Variants in TOR2A observed in about 807,000 individuals in gnomAD.
TOR2A encodes the protein torsin family 2 member A, also known as prosalusin.
A neutral mutation model predicts 28.6 loss-of-function variants in TOR2A; 24 were observed. That is an observed-to-expected ratio of 0.84 (90% CI 0.61 to 1.18). The LOEUF (loss-of-function observed/expected upper bound fraction) is 1.18, where lower values mean the gene tolerates loss of function less well. Among genes scored for constraint, TOR2A ranks in the 50% most tolerant of loss-of-function variants. The pLI is 0.00. For synonymous variants in TOR2A, 203 were observed against 203.1 expected, an observed-to-expected ratio of 1.00 and a Z score of 0.00; for missense variants, 426 against 448.1, an observed-to-expected ratio of 0.95 and a Z score of 0.45.
chr9:127,731,954 T>C lies in TOR2A; in HGVS notation c.*80A>G. The C allele has an allele frequency of 6.5e-7, 1 of 1,535,028 alleles. No homozygotes were observed. The highest frequency in any genetic ancestry group is 1.3e-5 in the South Asian group (1 of 77,746). Reference sequence around the variant, plus strand: ...ACACTCCGTTCATCTCACTTGGTGCTCTGGGTTCCTGTGACAGAGGCCCCT... The same window carrying C: ...ACACTCCGTTCATCTCACTTGGTGCCCTGGGTTCCTGTGACAGAGGCCCCT... On this transcript the variant is annotated 3_prime_UTR_variant, in exon 5 of 5. Transcript: ENST00000373284.
rs1044952694 is a variant in TOR2A, at chr9:127,734,395, C to G, written c.321G>C (p.Ala107=). ...TGKSYVSSLL[A]HYLFQGGLRS... The stretch of plus-strand genomic sequence containing the variant: ...GGAGGCCGCCCTGGAAGAGGTAGTG[C>G]GCCAGCAGGGAGCTGACATAGGATT... The change falls in exon 2 of 5, where the codon GCG becomes GCC. Residue 107 remains alanine (A), a synonymous_variant. Transcript: ENST00000373284. 1.2e-6 allele frequency: 2 copies of G among 1,612,392 alleles called. No individual in the cohort carries two copies.
Position 127,733,530 on chromosome 9 carries a change from G to T in TOR2A, c.448C>A (p.Leu150Ile), listed in dbSNP as rs747829326. ...AAGAGGGAGCGGCCACAGGCAGTGA[G>T]GTTCCCTTGGACCCAGCTCTTCAGA... ...KDLKSWVQGN[L>I]TACGRSLFLF... Residue 150 changes from leucine (L) to isoleucine (I), a missense_variant, in exon 3 of 5, where the codon CTC becomes ATC. By Grantham distance (5) the Leu-to-Ile change is conservative. Coordinates refer to ENST00000373284, the MANE Select transcript of TOR2A (RefSeq NM_001085347.3). The T allele has an allele frequency of 3.1e-5, 50 of 1,613,466 alleles. 1 individual carries two copies. In the South Asian group the frequency reaches 5.4e-4, roughly 17 times the overall value.
At position 127,731,819 on chromosome 9, in the gene TOR2A, G is replaced by T; in HGVS notation, c.*215C>A. 1.0e-6 allele frequency: 1 copy of T among 991,890 alleles called. No individual in the cohort carries two copies. The highest frequency in any genetic ancestry group is 1.8e-5 in the South Asian group (1 of 56,286). 61.4% of individuals were successfully genotyped at this position (991,890 alleles called of 1,614,324 possible). A position where few individuals can be genotyped will look rare whatever the true frequency, so the allele number is the denominator to read the frequency against. ...CAGGGGGAGGTCAAGGCTCAGTGAG[G>T]TTCTGGGGTGACCAGGGGTTTCCCT... On this transcript the variant is annotated 3_prime_UTR_variant, in exon 5 of 5. Transcript: ENST00000373284.
At chr9:127,734,706 G>A in intron 1 of TOR2A, 142 bp from the exon 2 acceptor site, 1 of 1,064,008 alleles carries the variant, frequency 9.4e-7, no homozygotes, top group South Asian at 2.6e-5. Flanking sequence ...AAACCTTGGG[G>A]TCTGTGGCGG....
intron 1 of TOR2A, 88 bp from the exon 2 acceptor site, chr9:127,734,652 C>T: frequency 7.3e-7 from 1 of 1,366,552 alleles, no homozygotes; most frequent in Non-Finnish European, 9.5e-7. Flanking sequence ...TCTGGGACTC[C>T]TGTGTCCTTA....
Position 127,735,115 on chromosome 9 carries a change from C to T in TOR2A, c.151+5G>A. On this transcript the variant is annotated splice_donor_5th_base_variant and intron_variant, in intron 1 of 4. Transcript: ENST00000373284. The stretch of plus-strand genomic sequence containing the variant: ...CCCCTCGCTCCGGGCTCCCTGGCGC[C>T]TCACCCGGCAAGTCGGGCCGGAAGT... The T allele has an allele frequency of 2.7e-6, 4 of 1,470,706 alleles. No individual in the cohort carries two copies. Among genetic ancestry groups the T allele is most frequent in the Non-Finnish European group, 3.6e-6 (4 of 1,116,910 alleles). 91.1% of individuals were successfully genotyped at this position (1,470,706 alleles called of 1,614,324 possible). A position where few individuals can be genotyped will look rare whatever the true frequency, so the allele number is the denominator to read the frequency against.
chr9:127,733,558 C>T lies in TOR2A; in HGVS notation c.420G>A (p.Lys140=). 1.2e-6 allele frequency: 2 copies of T among 1,608,500 alleles called. No homozygotes were observed. The highest frequency in any genetic ancestry group is 1.7e-6 in the Non-Finnish European group (2 of 1,177,602). Residue 140 remains lysine (K), a splice_region_variant and synonymous_variant, in exon 3 of 5, where the codon AAG becomes AAA. Transcript: ENST00000373284. ...TCCCTTGGACCCAGCTCTTCAGATC[C>T]TTCTGTAGGGGAGAGACAGGAGTTC... The part of the protein sequence containing the change: ...PHPSHIERYK[K]DLKSWVQGNL...
chr9:127,733,455 G>A lies in TOR2A; in HGVS notation c.523C>T (p.Arg175Trp), dbSNP rs771968704. ...ACCCAGGAGGAGCCCAGGAAAGGCCGCAGGACTTCCATCAGGCCTGGGGGC... is the reference window on the plus strand; with the variant it reads ...ACCCAGGAGGAGCCCAGGAAAGGCCACAGGACTTCCATCAGGCCTGGGGGC... ...KMPPGLMEVL[R>W]PFLGSSWVVY... Residue 175 changes from arginine to tryptophan, a missense_variant, in exon 3 of 5, where the codon CGG becomes TGG. Arg to Trp is a moderately radical substitution (Grantham distance 101). Transcript: ENST00000373284. 7 of 1,613,850 alleles carry A rather than the reference G, an allele frequency of 4.3e-6. No individual in the cohort carries two copies. Among genetic ancestry groups the A allele is most frequent in the Middle Eastern group, 1.7e-4 (1 of 6,058 alleles).
intron 3 of TOR2A, chr9:127,733,053 G>A: frequency 7.0e-7 from 1 of 1,429,578 alleles, no homozygotes; most frequent in South Asian, 1.5e-5. Flanking sequence ...CGAGGATTCT[G>A]AGAGCTGGGA....
rs763139574 is a variant in TOR2A at position 127,732,217 on chromosome 9, G to A, written c.783C>T (p.Leu261=). 4 of 1,610,900 alleles carry A rather than the reference G, an allele frequency of 2.5e-6. No individual in the cohort carries two copies. The South Asian group carries it at 4.4e-5, about 18-fold the overall frequency. The change falls in exon 5 of 5, where the codon CTC becomes CTT. Residue 261 remains leucine, a synonymous_variant. Coordinates refer to ENST00000373284, the MANE Select transcript of TOR2A (RefSeq NM_001085347.3). ...ERLLDAVVPF[L]PLQRHHVRHC... ...GCCGGACGTGGTGCCGCTGGAGCGG[G>A]AGGAAGGGCACCACTGCGTCTAGGA...
chr9:127,733,180 T>C (rs958394975), intron 3 of TOR2A: 2 of 1,572,718 alleles, frequency 1.3e-6, no homozygotes, highest in Admixed American at 1.8e-5. Flanking sequence ...TCAAAAAGAC[T>C]GAGCCCAGAA....
Position 127,731,753 on chromosome 9 carries a change from C to T in TOR2A, c.*281G>A. On this transcript the variant is annotated 3_prime_UTR_variant, in exon 5 of 5. Coordinates refer to ENST00000373284, the MANE Select transcript of TOR2A (RefSeq NM_001085347.3). Reference sequence around the variant, plus strand: ...GAGGAGGGAGCACCGCCACGAGCCACAGTCCCTGAGTTATAATTCACAGTA... The same window carrying T: ...GAGGAGGGAGCACCGCCACGAGCCATAGTCCCTGAGTTATAATTCACAGTA... 1.5e-6 allele frequency: 1 copy of T among 684,704 alleles called. No homozygotes were observed. 42.4% of individuals were successfully genotyped at this position (684,704 alleles called of 1,614,324 possible).
chr9:127,732,333 C>T (rs887242357), intron 4 of TOR2A, 55 bp from the exon 5 acceptor site: 128 of 1,519,900 alleles, frequency 8.4e-5, no homozygotes, highest in Non-Finnish European at 1.0e-4. Flanking sequence ...GGGGAGAAGC[C>T]GGCCCCAAAC....
intron 2 of TOR2A, 23 bp from the exon 3 acceptor site, chr9:127,733,583 C>A: frequency 6.3e-7 from 1 of 1,580,954 alleles, no homozygotes; most frequent in South Asian, 1.1e-5. Flanking sequence ...GACAGGAGTT[C>A]CAGGGGAGCT....
At chr9:127,733,787 C>T in intron 2 of TOR2A, 1 of 574,104 alleles carries the variant, frequency 1.7e-6, no homozygotes, top group Non-Finnish European at 3.1e-6. Flanking sequence ...CCTCCCACTT[C>T]CCTGTTCAGA....
intron 1 of TOR2A, chr9:127,734,844 C>T (rs1588479379): frequency 1.9e-6 from 1 of 527,474 alleles, no homozygotes; most frequent in Non-Finnish European, 3.1e-6. Flanking sequence ...CCCCAAGGCG[C>T]ACTGCACTTC....
chr9:127,734,237 G>A (rs1020434156), intron 2 of TOR2A, 62 bp downstream of exon 2: 2 of 1,510,536 alleles, frequency 1.3e-6, no homozygotes, highest in Admixed American at 2.2e-5. Flanking sequence ...CTGGGCTCAG[G>A]ACTTACTCCC....
chr9:127,731,646 C>T lies in TOR2A; in HGVS notation c.*388G>A. On this transcript the variant is annotated 3_prime_UTR_variant, in exon 5 of 5. Transcript: ENST00000373284. Reference sequence around the variant, plus strand: ...TGGAAACTGAGAAGGCTCCACCTGGCTTGATATGGACACAGGGTGTGGGGT... The same window carrying T: ...TGGAAACTGAGAAGGCTCCACCTGGTTTGATATGGACACAGGGTGTGGGGT... The T allele has an allele frequency of 1.0e-6, 1 of 969,254 alleles. No individual in the cohort carries two copies. Among genetic ancestry groups the T allele is most frequent in the Non-Finnish European group, 1.5e-6 (1 of 688,686 alleles). 60.0% of individuals were successfully genotyped at this position (969,254 alleles called of 1,614,324 possible).
chr9:127,733,898 G>GT, intron 2 of TOR2A: 1 of 418,718 alleles, frequency 2.4e-6, no homozygotes, highest in Non-Finnish European at 4.3e-6. Flanking sequence ...GATCAGCCTG[G>GT]TGGGTACCCT....
Sources: allele counts gnomAD v4.1 joint callset, GRCh38; gene constraint gnomAD v4.1.1; transcripts MANE v1.5; gene names NCBI Gene and HGNC (gene_info 2026-07-23, HGNC 2026-07-21).